The following EPS8 variants were observed in gnomAD, a reference collection of about 807,000 sequenced individuals.
The protein encoded by EPS8 is EGFR pathway substrate 8, signaling adaptor, also known as epidermal growth factor receptor kinase substrate 8.
Under a neutral mutation model 103.8 loss-of-function variants are expected in EPS8, and 42 were observed. The observed-to-expected ratio is 0.40, with a 90% CI of 0.32 to 0.52. EPS8 has a LOEUF of 0.52. Ranked by LOEUF, EPS8 falls within the 20% of genes least tolerant of loss-of-function variation. EPS8 has a pLI of 0.40. For missense variants in EPS8, 969 were observed against 1,005.1 expected, an observed-to-expected ratio of 0.96 and a Z score of 0.49; for synonymous variants, 344 against 344.6, an observed-to-expected ratio of 1.00 and a Z score of 0.02.
intron 4 of EPS8, among the ~76,000 whole-genome samples, chr12:15,670,464 G>A (rs1182702817): frequency 3.3e-5 from 5 of 151,986 alleles, no homozygotes; most frequent in African/African-American, 4.8e-5. Flanking sequence ...TCGTAAAAGA[G>A]GGCAAAAACT....
chr12:15,756,546 A>T (rs2136025339), intron 1 of EPS8, among the ~76,000 whole-genome samples: 1 of 152,300 alleles, frequency 6.6e-6, no homozygotes, highest in East Asian at 1.9e-4. Context: ...GCATGCAACC[A>T]GTATTAAAAA....
chr12:15,764,978 G>A lies in EPS8; in HGVS notation c.-22+24183C>T, dbSNP rs1248336026. ...TTGAATTATTTTATATTGAAAGTCA[G>A]AATTTTTCTATAAACTGAGATTAAT... On this transcript the variant is annotated intron_variant, in intron 1 of 20. Coordinates refer to ENST00000281172, the MANE Select transcript of EPS8 (RefSeq NM_004447.6). This position sits in a 1 kb window ranked among gnomAD's most constrained non-coding sequence, Gnocchi z 4.1. 6.6e-6 allele frequency among the ~76,000 whole-genome samples: 1 copy of A among 152,144 alleles called. No individual in the cohort carries two copies.
At position 15,733,977 on chromosome 12, in the gene EPS8, G is replaced by C. The variant is rs113756583; in HGVS notation, c.-21-51005C>G. ...GGACTCAAGTGATCCTCCCACCTCA[G>C]CCTCCCAAGTCAGTGAGACCCTCAG... On this transcript the variant is annotated intron_variant, in intron 1 of 20. Coordinates refer to ENST00000281172, the MANE Select transcript of EPS8 (RefSeq NM_004447.6). This position sits in a 1 kb window ranked among gnomAD's most constrained non-coding sequence, Gnocchi z 4.8. Among the ~76,000 whole-genome samples the C allele has an allele frequency of 1.3e-5, 2 of 151,996 alleles. No individual in the cohort carries two copies. The highest frequency in any genetic ancestry group is 1.3e-4 in the Admixed American group (2 of 15,252).
intron 1 of EPS8, among the ~76,000 whole-genome samples, chr12:15,685,735 C>T (rs750058791): frequency 1.1e-4 from 17 of 152,050 alleles, no homozygotes; most frequent in Non-Finnish European, 2.1e-4. Flanking sequence ...CCAATTTGAG[C>T]GATTGCAGTG....
chr12:15,743,492 C>T (rs780408834), intron 1 of EPS8, among the ~76,000 whole-genome samples: 37 of 152,152 alleles, frequency 2.4e-4, no homozygotes, highest in Admixed American at 9.8e-4. Flanking sequence ...TGGAGGCTCA[C>T]GCTACCTGAC....
Position 15,736,339 on chromosome 12 carries a change from T to G in EPS8, c.-22+52822A>C, listed in dbSNP as rs1189537948. On this transcript the variant is annotated intron_variant, in intron 1 of 20. Coordinates refer to ENST00000281172, the MANE Select transcript of EPS8 (RefSeq NM_004447.6). This position sits in a 1 kb window ranked among gnomAD's most constrained non-coding sequence, Gnocchi z 4.2. ...GATCTGGATTTGAATTCCAACGCCA[T>G]AAGTTAACACTACGGAAATACTGAA... Among the ~76,000 whole-genome samples, 1 of 152,184 alleles carries G rather than the reference T, an allele frequency of 6.6e-6. No individual in the cohort carries two copies. The highest frequency in any genetic ancestry group is 1.5e-5 in the Non-Finnish European group (1 of 68,032).
At chr12:15,634,874 T>G (rs764276632) in intron 17 of EPS8, 3 of 394,098 alleles carry the variant, frequency 7.6e-6, no homozygotes, top group Non-Finnish European at 1.3e-5. Flanking sequence ...TAAATTAGCC[T>G]GACAGTAAAA....
At position 15,752,956 on chromosome 12, in the gene EPS8, A is replaced by G. The variant is rs753179565; in HGVS notation, c.-22+36205T>C. Among the ~76,000 whole-genome samples the G allele has an allele frequency of 1.3e-5, 2 of 151,950 alleles. No individual in the cohort carries two copies. The highest frequency in any genetic ancestry group is 2.4e-5 in the African/African-American group (1 of 41,328). ...CATCATTTCAGTTACATTATGGTAA[A>G]AGGGGCAATTGTGGGATAACCATCA... On this transcript the variant is annotated intron_variant, in intron 1 of 20. Transcript: ENST00000281172. The surrounding 1 kb of genome is among the most constrained non-coding windows in gnomAD (Gnocchi z 4.4).
Position 15,698,828 on chromosome 12 carries a change from G to T in EPS8, c.-21-15856C>A, listed in dbSNP as rs1946275526. On this transcript the variant is annotated intron_variant, in intron 1 of 20. Coordinates refer to ENST00000281172, the MANE Select transcript of EPS8 (RefSeq NM_004447.6). This position sits in a 1 kb window ranked among gnomAD's most constrained non-coding sequence, Gnocchi z 4.9. ...TCAGGCAAGGTCAGTTTTGCCAAGA[G>T]CCACATGACTGCTTCCCCATTATGA... 6.6e-6 allele frequency among the ~76,000 whole-genome samples: 1 copy of T among 152,148 alleles called. No individual in the cohort carries two copies. The highest frequency in any genetic ancestry group is 1.5e-5 in the Non-Finnish European group (1 of 68,016).
At chr12:15,634,112 A>G (rs1304325559) in intron 17 of EPS8, among the ~76,000 whole-genome samples, 2 of 152,230 alleles carry the variant, frequency 1.3e-5, no homozygotes, top group Non-Finnish European at 1.5e-5. Context: ...TCCAAATCCA[A>G]AAAAGAAATT....
At chr12:15,658,713 G>A in intron 10 of EPS8, 128 bp from the exon 11 acceptor site, 1 of 669,362 alleles carries the variant, frequency 1.5e-6, no homozygotes, top group African/African-American at 1.8e-5. Flanking sequence ...TAGTTACCGT[G>A]CTACATCTCA....
intron 1 of EPS8, among the ~76,000 whole-genome samples, chr12:15,763,436 GA>G (rs1258992154): frequency 6.6e-6 from 1 of 152,168 alleles, no homozygotes; most frequent in African/African-American, 2.4e-5. Context: ...GAAAGAGCCT[GA>G]TCATTGCCTT....
rs1181787281 is a variant in EPS8 at position 15,695,946 on chromosome 12, T to C, written c.-21-12974A>G. Among the ~76,000 whole-genome samples the C allele has an allele frequency of 6.6e-6, 1 of 152,140 alleles. No individual in the cohort carries two copies. Among genetic ancestry groups the C allele is most frequent in the African/African-American group, 2.4e-5 (1 of 41,428 alleles). On this transcript the variant is annotated intron_variant, in intron 1 of 20. Coordinates refer to ENST00000281172, the MANE Select transcript of EPS8 (RefSeq NM_004447.6). The surrounding 1 kb of genome is among the most constrained non-coding windows in gnomAD (Gnocchi z 5.0). ...GAATAAATATGACAACTTCTGTTAA[T>C]TTATTAAAAAGTAAAAATAAAACAG... is the stretch of plus-strand genomic sequence containing the variant.
At chr12:15,703,720 G>A (rs1034862299) in intron 1 of EPS8, among the ~76,000 whole-genome samples, 1 of 150,524 alleles carries the variant, frequency 6.6e-6, no homozygotes, top group African/African-American at 2.5e-5. Flanking sequence ...AGGCATTCTG[G>A]AAGGCAGACT....
rs770887875 is a variant in EPS8 at position 15,624,282 on chromosome 12, C to T, written c.2170G>A (p.Asp724Asn). The T allele has an allele frequency of 3.0e-5, 49 of 1,613,712 alleles. No individual in the cohort carries two copies. The highest frequency in any genetic ancestry group is 3.4e-5 in the Non-Finnish European group (40 of 1,179,896). ...GTCTTCACATCCTCTGGTGTGGAGT[C>T]GTAAGTGATATTGATAACTGGCACG... ...QNVPVINITY[D>N]STPEDVKTWL... Residue 724 changes from aspartate (D) to asparagine (N), a missense_variant, in exon 19 of 21, where the codon GAC (aspartate) becomes AAC (asparagine). By Grantham distance (23) the Asp-to-Asn change is conservative. Transcript: ENST00000281172.
rs779769852 is a variant in EPS8 at position 15,760,567 on chromosome 12, C to T, written c.-22+28594G>A. Reference sequence around the variant, plus strand: ...AATCCTCAAACAAATACCAGCAAACCGAATTCAATAATACCTTTAAAAGAT... The same window carrying T: ...AATCCTCAAACAAATACCAGCAAACTGAATTCAATAATACCTTTAAAAGAT... On this transcript the variant is annotated intron_variant, in intron 1 of 20. Coordinates refer to ENST00000281172, the MANE Select transcript of EPS8 (RefSeq NM_004447.6). The surrounding 1 kb of genome is among the most constrained non-coding windows in gnomAD (Gnocchi z 4.5). Among the ~76,000 whole-genome samples, 3 of 151,954 alleles carry T rather than the reference C, an allele frequency of 2.0e-5. No homozygotes were observed. Among genetic ancestry groups the T allele is most frequent in the Admixed American group, 6.6e-5 (1 of 15,242 alleles).
At chr12:15,653,382 T>C (rs926605179) in intron 13 of EPS8, among the ~76,000 whole-genome samples, 2 of 152,190 alleles carry the variant, frequency 1.3e-5, no homozygotes, top group African/African-American at 4.8e-5. Flanking sequence ...GCCTGCATAA[T>C]CCAGCCCTCA....
intron 1 of EPS8, among the ~76,000 whole-genome samples, chr12:15,726,443 C>T (rs1474552501): frequency 6.6e-6 from 1 of 151,920 alleles, no homozygotes; most frequent in Non-Finnish European, 1.5e-5. Context: ...AAATATCTGC[C>T]AAAGTCCAAG....
intron 1 of EPS8, among the ~76,000 whole-genome samples, chr12:15,773,028 T>C (rs576319503): frequency 6.6e-6 from 1 of 152,240 alleles, no homozygotes; most frequent in African/African-American, 2.4e-5. Context: ...GTGGGCTCGC[T>C]GATGTAGGAG....
Sources: allele counts gnomAD v4.1 joint callset (sites outside exome capture counted in the v4.1 genomes callset), GRCh38; gene constraint gnomAD v4.1.1; non-coding constraint Gnocchi (gnomAD v3.1); transcripts MANE v1.5; gene names NCBI Gene and HGNC (gene_info 2026-07-23, HGNC 2026-07-21).